The following INTS2 variants were observed in gnomAD, a reference collection of about 807,000 sequenced individuals.
INTS2 encodes the protein integrator complex subunit 2, also known as KIAA1287.
Under a neutral mutation model 139.6 loss-of-function variants are expected in INTS2, and 57 were observed. The observed-to-expected ratio is 0.41, with a 90% CI of 0.33 to 0.51. The LOEUF is 0.51. Among genes scored for constraint, INTS2 ranks in the 20% least tolerant of loss-of-function variants. The probability of loss-of-function intolerance (pLI) is 0.28; values close to 1 mark genes in which losing one functional copy is unlikely to be tolerated. For missense variants in INTS2, 1,196 were observed against 1,436.7 expected (o/e 0.83, Z 2.71); for synonymous variants, 473 against 493.4 (o/e 0.96, Z 0.55).
At position 61,870,319 on chromosome 17, in the gene INTS2, T is replaced by C. The variant is rs895348398; in HGVS notation, c.2779-331A>G. Reference sequence around the variant, plus strand: ...AGTTTAAGAATATCTACTAGAAGAGTATCATGAATTCAGTTACATCCAAAA... The same window carrying C: ...AGTTTAAGAATATCTACTAGAAGAGCATCATGAATTCAGTTACATCCAAAA... On this transcript the variant is annotated intron_variant, in intron 20 of 24. Transcript: ENST00000251334. The surrounding 1 kb of genome is among the most constrained non-coding windows in gnomAD (Gnocchi z 4.4). Among the ~76,000 whole-genome samples the C allele has an allele frequency of 6.6e-6, 1 of 152,072 alleles. No homozygotes were observed. The highest frequency in any genetic ancestry group is 1.5e-5 in the Non-Finnish European group (1 of 68,008).
chr17:61,899,026 T>C (rs1174384857), intron 9 of INTS2, among the ~76,000 whole-genome samples: 1 of 152,246 alleles, frequency 6.6e-6, no homozygotes, highest in Non-Finnish European at 1.5e-5. Flanking sequence ...ATGAAAAGTA[T>C]AATTCTTCTA....
rs748316975 is a variant in INTS2 at position 61,881,175 on chromosome 17, G to C, written c.2090-4C>G. ...CGTAGTAAAGCTGAATGCAACCCTT[G>C]AAAATTTACAGAAAATCAATTGGAT... is the stretch of plus-strand genomic sequence containing the variant. On this transcript the variant is annotated splice_polypyrimidine_tract_variant and splice_region_variant and intron_variant, in intron 16 of 24. Coordinates refer to ENST00000251334, the MANE Select transcript of INTS2 (RefSeq NM_001351695.2). The C allele has an allele frequency of 3.6e-5, 58 of 1,605,084 alleles. No individual in the cohort carries two copies. The highest frequency in any genetic ancestry group is 3.3e-4 in the Middle Eastern group (2 of 6,048).
chr17:61,880,341 C>A (rs1011629788), intron 17 of INTS2, among the ~76,000 whole-genome samples: 1 of 151,872 alleles, frequency 6.6e-6, no homozygotes, highest in East Asian at 1.9e-4. Flanking sequence ...CCACCACGCC[C>A]GGCCTACACT....
intron 17 of INTS2, among the ~76,000 whole-genome samples, chr17:61,880,136 C>T (rs1296533619): frequency 3.9e-5 from 6 of 152,118 alleles, no homozygotes; most frequent in Admixed American, 3.3e-4. Context: ...CTAGGCCTCC[C>T]GGGTTCACAC....
rs1340013474 is a variant in INTS2 at position 61,882,710 on chromosome 17, CAG to C, written c.2090-1541_2090-1540del. On this transcript the variant is annotated intron_variant, in intron 16 of 24. Transcript: ENST00000251334. The surrounding 1 kb of genome is among the most constrained non-coding windows in gnomAD (Gnocchi z 4.7). ...TGCCATTGCACTCCAGCCTGGGTGA[CAG>C]AGCAAGATGCTGTCTCAAAAAAAAT... is the stretch of plus-strand genomic sequence containing the variant. Among the ~76,000 whole-genome samples, 1 of 152,130 alleles carries C rather than the reference CAG, an allele frequency of 6.6e-6. No individual in the cohort carries two copies. Among genetic ancestry groups the C allele is most frequent in the African/African-American group, 2.4e-5 (1 of 41,428 alleles).
intron 4 of INTS2, among the ~76,000 whole-genome samples, chr17:61,920,198 T>TG (rs1015183097): frequency 6.7e-6 from 1 of 149,950 alleles, no homozygotes; most frequent in Admixed American, 6.7e-5. Context: ...TTTTTTTTTT[T>TG]GCGACGAAGT....
chr17:61,915,675 CA>C lies in INTS2; in HGVS notation c.650-3606del, dbSNP rs1380298765. Among the ~76,000 whole-genome samples the C allele has an allele frequency of 3.7e-5, 5 of 134,344 alleles. No individual in the cohort carries two copies. In the South Asian group the frequency reaches 9.5e-4, roughly 26 times the overall value. 88.1% of individuals were successfully genotyped at this position (134,344 alleles called of 152,430 possible). On this transcript the variant is annotated intron_variant, in intron 5 of 24. Coordinates refer to ENST00000251334, the MANE Select transcript of INTS2 (RefSeq NM_001351695.2). Reference sequence around the variant, plus strand: ...CTAATTAAAAAAAAAAAAAAAAATACAAAAAATTAGCCGGGCGTGGTGGCGG... The same window carrying C: ...CTAATTAAAAAAAAAAAAAAAAATACAAAAATTAGCCGGGCGTGGTGGCGG...
rs764257881 is a variant in INTS2 at position 61,907,514 on chromosome 17, T to C, written c.1075A>G (p.Met359Val). 1.9e-6 allele frequency: 3 copies of C among 1,601,052 alleles called. No homozygotes were observed. Among genetic ancestry groups the C allele is most frequent in the Non-Finnish European group, 1.7e-6 (2 of 1,173,888 alleles). ...GAATACACAGACACATTGGGCTCCA[T>C]ATCCACATCAGCTTCTTCCACAATT... Reference protein sequence around the residue: ...TRIVEEADVDMEPNVSVYSGL... With the variant: ...TRIVEEADVDVEPNVSVYSGL... Residue 359 changes from methionine (M) to valine (V), a missense_variant, in exon 8 of 25, where the codon ATG becomes GTG. By Grantham distance (21) the Met-to-Val change is conservative. Coordinates refer to ENST00000251334, the MANE Select transcript of INTS2 (RefSeq NM_001351695.2).
chr17:61,910,923 A>G (rs1192316720), intron 7 of INTS2: 1 of 152,192 alleles, frequency 6.6e-6, no homozygotes, highest in Non-Finnish European at 1.5e-5. Context: ...GGTACGGTGC[A>G]GTTTCCAAAG....
intron 7 of INTS2, chr17:61,911,302 G>C (rs528496212): frequency 2.4e-5 from 11 of 453,366 alleles, no homozygotes; most frequent in Non-Finnish European, 3.9e-5. Context: ...AAATATTTAA[G>C]TGTTAATTTC....
rs576686643 is a variant in INTS2, at chr17:61,920,585, C to T, written c.536-1072G>A. The stretch of plus-strand genomic sequence containing the variant: ...TTTTGGGAAGCTGAGGCAGGCAGAT[C>T]ACAAGGTTAAGAATTCGAGACCAGC... On this transcript the variant is annotated intron_variant, in intron 4 of 24. Coordinates refer to ENST00000251334, the MANE Select transcript of INTS2 (RefSeq NM_001351695.2). 2.7e-5 allele frequency among the ~76,000 whole-genome samples: 4 copies of T among 147,544 alleles called. No homozygotes were observed. The South Asian group carries it at 8.7e-4, about 32-fold the overall frequency.
intron 9 of INTS2, among the ~76,000 whole-genome samples, chr17:61,898,397 T>A (rs1393977506): frequency 1.3e-5 from 2 of 150,352 alleles, no homozygotes; most frequent in South Asian, 2.1e-4. Context: ...CAAGCTCAAG[T>A]GATCCTCCCA....
In INTS2 at chr17:61,882,147, T is replaced by C. The variant is rs1196573760; in HGVS notation, c.2090-976A>G. On this transcript the variant is annotated intron_variant, in intron 16 of 24. Coordinates refer to ENST00000251334, the MANE Select transcript of INTS2 (RefSeq NM_001351695.2). This position sits in a 1 kb window ranked among gnomAD's most constrained non-coding sequence, Gnocchi z 4.7. ...CAGGTACTTTATGTACGTTTTCTCA[T>C]CTCTCCCTAACATTCATACAAAGTA... 6.6e-6 allele frequency among the ~76,000 whole-genome samples: 1 copy of C among 152,196 alleles called. No homozygotes were observed. Among genetic ancestry groups the C allele is most frequent in the Non-Finnish European group, 1.5e-5 (1 of 68,038 alleles).
chr17:61,922,376 G>A (rs1282751774), intron 3 of INTS2, among the ~76,000 whole-genome samples: 3 of 148,874 alleles, frequency 2.0e-5, no homozygotes, highest in African/African-American at 7.4e-5. Context: ...GCTGAGGCAG[G>A]AGAATCGCTT....
intron 14 of INTS2, 77 bp downstream of exon 14, chr17:61,891,436 G>A (rs998522593): frequency 4.1e-5 from 46 of 1,133,392 alleles, no homozygotes; most frequent in Non-Finnish European, 5.4e-5. Context: ...CCTCTGATAG[G>A]AAAATAAAAA....
chr17:61,897,728 T>C lies in INTS2; in HGVS notation c.1319A>G (p.Gln440Arg). The change falls in exon 10 of 25, where the codon CAG (glutamine) becomes CGG (arginine). Residue 440 changes from glutamine to arginine, a missense_variant. Gln to Arg is a conservative substitution (Grantham distance 43). This residue lies in a region of INTS2 where 1,129 missense variants were observed against 1,341.9 expected (regional missense o/e 0.84). Transcript: ENST00000251334. This position sits in a 1 kb window ranked among gnomAD's most constrained non-coding sequence, Gnocchi z 4.4. Reference protein sequence around the residue: ...AFSTLVSTPEQEQLMVVWLSW... With the variant: ...AFSTLVSTPEREQLMVVWLSW... The stretch of plus-strand genomic sequence containing the variant: ...TAGCCACACCACCATCAGCTGCTCC[T>C]GTTCAGGTGTACTATATAAAATATA... 6.2e-7 allele frequency: 1 copy of C among 1,604,214 alleles called. No individual in the cohort carries two copies. The highest frequency in any genetic ancestry group is 1.1e-5 in the South Asian group (1 of 89,324).
At chr17:61,907,057 A>C (rs2079473468) in intron 8 of INTS2, among the ~76,000 whole-genome samples, 1 of 151,942 alleles carries the variant, frequency 6.6e-6, no homozygotes, top group African/African-American at 2.4e-5. Flanking sequence ...AACAAAGGAG[A>C]GATTTACTTC....
chr17:61,927,600 G>T, intron 1 of INTS2, 54 bp downstream of exon 1: 1 of 1,239,730 alleles, frequency 8.1e-7, no homozygotes, highest in Non-Finnish European at 1.0e-6. Flanking sequence ...GTCTGGCCAG[G>T]CTCCGACACG....
At chr17:61,926,155 C>T (rs911048565) in intron 2 of INTS2, among the ~76,000 whole-genome samples, 197 bp downstream of exon 2, 5 of 152,154 alleles carry the variant, frequency 3.3e-5, no homozygotes, top group Admixed American at 6.6e-5. Flanking sequence ...CAGCACATTG[C>T]CATATTTCTC....
Sources: allele counts gnomAD v4.1 joint callset (sites outside exome capture counted in the v4.1 genomes callset), GRCh38; gene constraint gnomAD v4.1.1; regional missense constraint gnomAD v4.1.1; non-coding constraint Gnocchi (gnomAD v3.1); transcripts MANE v1.5; gene names NCBI Gene and HGNC (gene_info 2026-07-23, HGNC 2026-07-21).